The following IMPA2 variants were observed in gnomAD, a reference collection of about 807,000 sequenced individuals.
IMPA2 encodes inositol monophosphatase 2, also known as IMP 2.
A neutral mutation model predicts 35.1 loss-of-function variants in IMPA2; 32 were observed. The ratio of observed to expected loss-of-function variants is 0.91; its 90% CI spans 0.69 to 1.23. The LOEUF (loss-of-function observed/expected upper bound fraction) is 1.23. IMPA2 is among the 50% of genes most tolerant of loss of function. The probability of loss-of-function intolerance (pLI) is 0.00; values close to 1 mark genes in which losing one functional copy is unlikely to be tolerated. For missense variants in IMPA2, 334 were observed against 387.6 expected (o/e 0.86, Z 1.16); for synonymous variants, 135 against 160.6 (o/e 0.84, Z 1.20).
chr18:11,981,712 C>T lies in IMPA2; in HGVS notation c.43C>T (p.Pro15Ser), dbSNP rs1258956789. Residue 15 changes from proline (P) to serine (S), a missense_variant, in exon 1 of 8, where the codon CCC becomes TCC. By Grantham distance (74) the Pro-to-Ser change is moderately conservative. Transcript: ENST00000269159. ...GGACCAGGCGGCGCTGGCGGCCGGC[C>T]CCTGGGAGGAGTGCTTCCAGGCGGC... Reference protein sequence around the residue: ...GEDQAALAAGPWEECFQAAVQ... With the variant: ...GEDQAALAAGSWEECFQAAVQ... 3.3e-6 allele frequency: 4 copies of T among 1,230,138 alleles called. No homozygotes were observed. The highest frequency in any genetic ancestry group is 2.0e-6 in the Non-Finnish European group (2 of 986,884). The allele number at this position is 1,230,138 out of a possible 1,614,324, so 76.2% of individuals were successfully genotyped here.
chr18:11,994,101 G>A (rs1488112888), intron 1 of IMPA2: 2 of 152,376 alleles, frequency 1.3e-5, no homozygotes, highest in East Asian at 3.9e-4. Flanking sequence ...AAGGCTAGGT[G>A]TAGTGGCTCA....
intron 5 of IMPA2, among the ~76,000 whole-genome samples, chr18:12,023,787 C>G (rs749424862): frequency 1.3e-5 from 2 of 152,196 alleles, no homozygotes; most frequent in Non-Finnish European, 2.9e-5. Flanking sequence ...CCTGATTTTA[C>G]TGCTCAGAGA....
chr18:12,017,991 G>C, intron 5 of IMPA2: 1 of 169,610 alleles, frequency 5.9e-6, no homozygotes, highest in Non-Finnish European at 1.3e-5. Context: ...GCCCAGGCTG[G>C]AGTGCAATGG....
chr18:11,983,735 T>C (rs1906573724), intron 1 of IMPA2, among the ~76,000 whole-genome samples: 1 of 152,082 alleles, frequency 6.6e-6, no homozygotes, highest in African/African-American at 2.4e-5. Context: ...TGCTGATGCT[T>C]CCTGCCTGCC....
At chr18:12,001,452 A>G (rs1169011543) in intron 2 of IMPA2, among the ~76,000 whole-genome samples, 2 of 152,088 alleles carry the variant, frequency 1.3e-5, no homozygotes, top group Non-Finnish European at 2.9e-5. Flanking sequence ...GAGGAGATGC[A>G]GGATCAGGCA....
chr18:11,987,778 T>C (rs1378552254), intron 1 of IMPA2, among the ~76,000 whole-genome samples: 1 of 152,176 alleles, frequency 6.6e-6, no homozygotes, highest in African/African-American at 2.4e-5. Flanking sequence ...GCTGTGTCAT[T>C]GGGAATGTAA....
chr18:12,029,102 G>A, intron 7 of IMPA2, 109 bp downstream of exon 7: 1 of 394,214 alleles, frequency 2.5e-6, no homozygotes, highest in Non-Finnish European at 4.3e-6. Context: ...CTTCCCCAGA[G>A]TTTCTGTTTT....
chr18:12,027,115 CT>C (rs1907901377), intron 5 of IMPA2, among the ~76,000 whole-genome samples: 1 of 152,210 alleles, frequency 6.6e-6, no homozygotes, highest in Non-Finnish European at 1.5e-5. Context: ...TTGGGAGTGG[CT>C]TTATTTTGTC....
At chr18:11,995,980 G>T (rs1053458904) in intron 1 of IMPA2, among the ~76,000 whole-genome samples, 1 of 152,142 alleles carries the variant, frequency 6.6e-6, no homozygotes, top group African/African-American at 2.4e-5. Context: ...GCCCTCAGAA[G>T]CCTCTGCCTA....
intron 5 of IMPA2, among the ~76,000 whole-genome samples, chr18:12,022,182 G>A (rs1907747961): frequency 1.3e-5 from 2 of 151,968 alleles, no homozygotes; most frequent in African/African-American, 4.8e-5. Context: ...CACCTATTAA[G>A]CAAGAACTCC....
Position 12,010,377 on chromosome 18 carries a change from G to T in IMPA2, c.335+390G>T, listed in dbSNP as rs984392496. Among the ~76,000 whole-genome samples, 2 of 152,196 alleles carry T rather than the reference G, an allele frequency of 1.3e-5. No individual in the cohort carries two copies. Among genetic ancestry groups the T allele is most frequent in the African/African-American group, 4.8e-5 (2 of 41,458 alleles). On this transcript the variant is annotated intron_variant, in intron 3 of 7. Transcript: ENST00000269159. This position sits in a 1 kb window ranked among gnomAD's most constrained non-coding sequence, Gnocchi z 4.8. ...GAGCCCAAGGTGTAGAGAGTGGCCT[G>T]TGACAGGTGAGACTTGAGAGCCAGC...
rs1264793922 is a variant in IMPA2, at chr18:11,991,495, T to C, written c.97-7559T>C. Among the ~76,000 whole-genome samples, 1 of 152,146 alleles carries C rather than the reference T, an allele frequency of 6.6e-6. No homozygotes were observed. Among genetic ancestry groups the C allele is most frequent in the African/African-American group, 2.4e-5 (1 of 41,432 alleles). On this transcript the variant is annotated intron_variant, in intron 1 of 7. Coordinates refer to ENST00000269159, the MANE Select transcript of IMPA2 (RefSeq NM_014214.3). This position sits in a 1 kb window ranked among gnomAD's most constrained non-coding sequence, Gnocchi z 4.1. The stretch of plus-strand genomic sequence containing the variant: ...ATGACACCATGTGATAGGCGTGTTA[T>C]TACCTGGGTACCCGATGAACTGTTA...
intron 2 of IMPA2, among the ~76,000 whole-genome samples, chr18:12,001,728 C>T (rs1251558363): frequency 6.6e-6 from 1 of 152,196 alleles, no homozygotes; most frequent in African/African-American, 2.4e-5. Context: ...TGATGCAGAG[C>T]AGGGGATTAT....
rs112970336 is a variant in IMPA2 at position 12,001,460 on chromosome 18, G to T, written c.230+2273G>T. ...AGGCTTGGAGGAGATGCAGGATCAGGCACAGTGAAGTTATTGGGGCTGTGA... is the reference window on the plus strand; with the variant it reads ...AGGCTTGGAGGAGATGCAGGATCAGTCACAGTGAAGTTATTGGGGCTGTGA... On this transcript the variant is annotated intron_variant, in intron 2 of 7. Coordinates refer to ENST00000269159, the MANE Select transcript of IMPA2 (RefSeq NM_014214.3). Among the ~76,000 whole-genome samples, 979 of 152,216 alleles carry T rather than the reference G, an allele frequency of 6.4e-3. 8 individuals carry two copies. The highest frequency in any genetic ancestry group is 0.022 in the African/African-American group (902 of 41,530).
chr18:11,989,194 C>T (rs1906743198), intron 1 of IMPA2, among the ~76,000 whole-genome samples: 1 of 152,150 alleles, frequency 6.6e-6, no homozygotes, highest in East Asian at 1.9e-4. Context: ...CATTTTCCTC[C>T]TTGGGAGCCT....
At chr18:11,992,818 C>G (rs935356602) in intron 1 of IMPA2, among the ~76,000 whole-genome samples, 2 of 152,194 alleles carry the variant, frequency 1.3e-5, no homozygotes, top group African/African-American at 4.8e-5. Flanking sequence ...ACCCCATGTG[C>G]TCCCTCGCCC....
intron 5 of IMPA2, chr18:12,021,724 C>T (rs137906198): frequency 6.6e-6 from 1 of 152,160 alleles, no homozygotes; most frequent in Non-Finnish European, 1.5e-5. Flanking sequence ...GCCATGCTGC[C>T]CAGGCTGGTC....
chr18:12,013,636 C>T (rs751209100), intron 4 of IMPA2, among the ~76,000 whole-genome samples: 2 of 152,200 alleles, frequency 1.3e-5, no homozygotes, highest in Non-Finnish European at 2.9e-5. Flanking sequence ...CAGAGGCACG[C>T]GGCCGTGGGC....
At chr18:11,989,793 C>A (rs113531299) in intron 1 of IMPA2, among the ~76,000 whole-genome samples, 2,363 of 152,218 alleles carry the variant, frequency 0.016, 32 homozygotes, top group African/African-American at 0.028. Context: ...TGGCCCTGAG[C>A]TTGTCACTTG....
Sources: allele counts gnomAD v4.1 joint callset (sites outside exome capture counted in the v4.1 genomes callset), GRCh38; gene constraint gnomAD v4.1.1; non-coding constraint Gnocchi (gnomAD v3.1); transcripts MANE v1.5; gene names NCBI Gene and HGNC (gene_info 2026-07-23, HGNC 2026-07-21).